LZTS1: variants seen among roughly 807,000 people sequenced by gnomAD.
The protein encoded by LZTS1 is leucine zipper putative tumor suppressor 1.
A neutral mutation model predicts 45.8 loss-of-function variants in LZTS1; 31 were observed. The ratio of observed to expected loss-of-function variants is 0.68; its 90% CI spans 0.51 to 0.91. The LOEUF (loss-of-function observed/expected upper bound fraction) is 0.91, where lower values mean the gene tolerates loss of function less well. LZTS1 is among the 40% of genes least tolerant of loss of function. LZTS1 has a pLI of 0.00. For synonymous variants in LZTS1, 359 were observed against 357.3 expected, an observed-to-expected ratio of 1.00 and a Z score of -0.05; for missense variants, 821 against 788.9, an observed-to-expected ratio of 1.04 and a Z score of -0.49.
Position 20,278,782 on chromosome 8 carries a change from C to T in LZTS1, c.-134-23467G>A, listed in dbSNP as rs542356375. On this transcript the variant is annotated intron_variant, in intron 1 of 3. Coordinates refer to ENST00000381569, the MANE Select transcript of LZTS1 (RefSeq NM_021020.5). ...TTCTCTCCTAGCTCAAATAGATCTT[C>T]CACATTGCAGCAACTAGGCACTGCC... Among the ~76,000 whole-genome samples the T allele has an allele frequency of 4.6e-5, 7 of 152,310 alleles. No individual in the cohort carries two copies. The South Asian group carries it at 8.3e-4, about 18-fold the overall frequency.
At chr8:20,251,347 T>A (rs1207559753) in intron 3 of LZTS1, among the ~76,000 whole-genome samples, 2 of 151,772 alleles carry the variant, frequency 1.3e-5, no homozygotes, top group South Asian at 4.2e-4. Flanking sequence ...ATGAAATTCT[T>A]GGTCCCAAGC....
At chr8:20,274,790 A>G (rs1649935450) in intron 1 of LZTS1, among the ~76,000 whole-genome samples, 1 of 152,198 alleles carries the variant, frequency 6.6e-6, no homozygotes, top group Non-Finnish European at 1.5e-5. Flanking sequence ...TCACCAGGAA[A>G]GTCCTCGTAA....
At chr8:20,251,852 G>A (rs2645384) in intron 3 of LZTS1, among the ~76,000 whole-genome samples, 60,306 of 151,922 alleles carry the variant, frequency 0.4, 12,254 homozygotes, top group African/African-American at 0.47. Context: ...CGTCGATGAC[G>A]GAAATCAGGC....
intron 1 of LZTS1, among the ~76,000 whole-genome samples, chr8:20,285,016 T>A (rs1800763184): frequency 6.6e-6 from 1 of 152,210 alleles, no homozygotes; most frequent in Non-Finnish European, 1.5e-5. Flanking sequence ...GCCCAGTTCC[T>A]TATCTCTGAA....
rs1054959445 is a variant in LZTS1 at position 20,252,876 on chromosome 8, A to G, written c.1055T>C (p.Leu352Pro). ...KRQLRQELES[L>P]MKEQDLLETK... is the part of the protein sequence containing the mutation. Reference sequence around the variant, plus strand: ...CTCCAGCAGGTCCTGCTCCTTCATGAGGCTCTCGAGCTCCTGCCGGAGCTG... The same window carrying G: ...CTCCAGCAGGTCCTGCTCCTTCATGGGGCTCTCGAGCTCCTGCCGGAGCTG... The change falls in exon 3 of 4, where the codon CTC (leucine) becomes CCC (proline). Residue 352 changes from leucine (L) to proline (P), a missense_variant. Coordinates refer to ENST00000381569, the MANE Select transcript of LZTS1 (RefSeq NM_021020.5). 6.2e-7 allele frequency: 1 copy of G among 1,610,934 alleles called. No homozygotes were observed. The highest frequency in any genetic ancestry group is 8.5e-7 in the Non-Finnish European group (1 of 1,178,824).
Position 20,249,987 on chromosome 8 carries a change from G to A in LZTS1, c.1526C>T (p.Ala509Val), listed in dbSNP as rs769653560. Residue 509 changes from alanine (A) to valine (V), a missense_variant, in exon 4 of 4, where the codon GCC (alanine) becomes GTC (valine). Coordinates refer to ENST00000381569, the MANE Select transcript of LZTS1 (RefSeq NM_021020.5). ...ALQRELERLR[A>V]ELREERQGHD... ...GCCTTGCCGCTCCTCCCGCAGCTCG[G>A]CCCGCAGCCGCTCCAGCTCCCGCTG... 6.2e-7 allele frequency: 1 copy of A among 1,613,496 alleles called. No homozygotes were observed. The highest frequency in any genetic ancestry group is 1.7e-4 in the Middle Eastern group (1 of 6,054).
chr8:20,249,832 C>G lies in LZTS1; in HGVS notation c.1681G>C (p.Glu561Gln), dbSNP rs374264231. Residue 561 changes from glutamate (E) to glutamine (Q), a missense_variant, in exon 4 of 4, where the codon GAG (glutamate) becomes CAG (glutamine). Coordinates refer to ENST00000381569, the MANE Select transcript of LZTS1 (RefSeq NM_021020.5). ...VAMYQRNQRL[E>Q]KALQQLARGD... ...CGTGCCAGCTGCTGCAGGGCCTTCT[C>G]CAGGCGCTGGTTCCGCTGGTACATG... is the stretch of plus-strand genomic sequence containing the variant. The G allele has an allele frequency of 6.2e-7, 1 of 1,614,222 alleles. No homozygotes were observed. Among genetic ancestry groups the G allele is most frequent in the Non-Finnish European group, 8.5e-7 (1 of 1,180,022 alleles).
intron 1 of LZTS1, among the ~76,000 whole-genome samples, chr8:20,299,967 C>T (rs1013471729): frequency 5.3e-5 from 8 of 152,202 alleles, no homozygotes; most frequent in African/African-American, 1.9e-4. Flanking sequence ...CATGTGGCGG[C>T]TCAAAGTGCA....
rs988979217 is a variant in LZTS1, at chr8:20,251,627, T to G, written c.1149+1155A>C. Reference sequence around the variant, plus strand: ...TTTCATCATTGCTCTTGGCCAAATTTTGATGGGGGATAGGGGTGGAAATAG... The same window carrying G: ...TTTCATCATTGCTCTTGGCCAAATTGTGATGGGGGATAGGGGTGGAAATAG... On this transcript the variant is annotated intron_variant, in intron 3 of 3. Coordinates refer to ENST00000381569, the MANE Select transcript of LZTS1 (RefSeq NM_021020.5). Among the ~76,000 whole-genome samples, 6 of 152,050 alleles carry G rather than the reference T, an allele frequency of 3.9e-5. No individual in the cohort carries two copies. In the South Asian group the frequency reaches 6.2e-4, roughly 16 times the overall value.
intron 1 of LZTS1, among the ~76,000 whole-genome samples, chr8:20,270,246 C>T (rs1049324906): frequency 6.6e-6 from 1 of 152,270 alleles, no homozygotes; most frequent in Non-Finnish European, 1.5e-5. Flanking sequence ...CCAGCTCCCT[C>T]TCCAGTGCTT....
chr8:20,261,186 G>C (rs1193576946), intron 1 of LZTS1, among the ~76,000 whole-genome samples: 2 of 152,180 alleles, frequency 1.3e-5, no homozygotes, highest in Admixed American at 6.5e-5. Flanking sequence ...CAGGAGGAGG[G>C]AAGAAGGATG....
intron 2 of LZTS1, 48 bp from the exon 3 acceptor site, chr8:20,253,633 A>G (rs1563857347): frequency 3.6e-6 from 5 of 1,380,646 alleles, no homozygotes; most frequent in Non-Finnish European, 4.8e-6. Flanking sequence ...CTGCGCGCGC[A>G]TTGCACCCTC....
intron 1 of LZTS1, among the ~76,000 whole-genome samples, chr8:20,290,923 C>T (rs367709373): frequency 3.3e-5 from 5 of 152,198 alleles, no homozygotes; most frequent in African/African-American, 1.2e-4. Flanking sequence ...CATGCACGGG[C>T]TTGAGATGGT....
In LZTS1 at chr8:20,252,963, T is replaced by C; in HGVS notation, c.968A>G (p.Lys323Arg). The C allele has an allele frequency of 6.3e-7, 1 of 1,590,026 alleles. No homozygotes were observed. The highest frequency in any genetic ancestry group is 8.6e-7 in the Non-Finnish European group (1 of 1,168,670). ...CAGGACCTGCTGCGCGCGCTGGCTCTTCTGCGAGGCCTGCTTGAGCTTGTT... is the reference window on the plus strand; with the variant it reads ...CAGGACCTGCTGCGCGCGCTGGCTCCTCTGCGAGGCCTGCTTGAGCTTGTT... ...GGNKLKQASQ[K>R]SQRAQQVLHL... The change falls in exon 3 of 4, where the codon AAG (lysine) becomes AGG (arginine). Residue 323 changes from lysine to arginine, a missense_variant. By Grantham distance (26) the Lys-to-Arg change is conservative. Transcript: ENST00000381569.
chr8:20,299,897 C>CGTA (rs1335847672), intron 1 of LZTS1, among the ~76,000 whole-genome samples: 13 of 152,216 alleles, frequency 8.5e-5, no homozygotes, highest in Non-Finnish European at 1.8e-4. Context: ...AGATTCCCCA[C>CGTA]GTAGTTGGAT....
At chr8:20,256,890 C>T (rs765740017) in intron 1 of LZTS1, among the ~76,000 whole-genome samples, 5 of 152,002 alleles carry the variant, frequency 3.3e-5, no homozygotes, top group Non-Finnish European at 5.9e-5. Context: ...CACCAAAGAG[C>T]GGATGCAGAA....
chr8:20,283,643 T>C (rs1355336873), intron 1 of LZTS1, among the ~76,000 whole-genome samples: 2 of 152,136 alleles, frequency 1.3e-5, no homozygotes, highest in Admixed American at 1.3e-4. Context: ...CACCTGGTTG[T>C]TCTGGGGAGA....
intron 1 of LZTS1, among the ~76,000 whole-genome samples, chr8:20,299,496 T>C (rs897927064): frequency 9.9e-5 from 15 of 152,260 alleles, no homozygotes; most frequent in African/African-American, 3.6e-4. Flanking sequence ...CATCACAAAT[T>C]TTAGTCTCTA....
At chr8:20,265,909 G>A (rs1044916817) in intron 1 of LZTS1, among the ~76,000 whole-genome samples, 10 of 152,126 alleles carry the variant, frequency 6.6e-5, no homozygotes, top group Non-Finnish European at 1.3e-4. Flanking sequence ...TTTCAGGGGT[G>A]AAAGTCTGTC....
Sources: allele counts gnomAD v4.1 joint callset (sites outside exome capture counted in the v4.1 genomes callset), GRCh38; gene constraint gnomAD v4.1.1; transcripts MANE v1.5; gene names NCBI Gene and HGNC (gene_info 2026-07-23, HGNC 2026-07-21).